GPR158: variants seen among roughly 807,000 people sequenced by gnomAD.
The protein encoded by GPR158 is metabotropic glycine receptor.
GPR158 carries 30 observed loss-of-function variants against 78.2 expected under a neutral mutation model. That is an observed-to-expected ratio of 0.38 (90% CI 0.29 to 0.52). The LOEUF (loss-of-function observed/expected upper bound fraction) is 0.52. Ranked by LOEUF, GPR158 falls within the 20% of genes least tolerant of loss-of-function variation. The pLI is 0.83. For missense variants in GPR158, 1,463 were observed against 1,523.5 expected (o/e 0.96, Z 0.66); for synonymous variants, 581 against 591.1 (o/e 0.98, Z 0.25).
chr10:25,433,570 TGCGCGCGCGCGTGCGC>T (rs1194536715), intron 4 of GPR158, among the ~76,000 whole-genome samples: 8 of 128,668 alleles, frequency 6.2e-5, no homozygotes, highest in Non-Finnish European at 1.0e-4. Flanking sequence ...TGTGTGTGTG[TGCGCGCGCGCGTGCGC>T]GTGCGCATAT....
At chr10:25,435,984 G>A (rs189098648) in intron 4 of GPR158, among the ~76,000 whole-genome samples, 2 of 152,238 alleles carry the variant, frequency 1.3e-5, no homozygotes, top group East Asian at 3.9e-4. Context: ...TGAAGCTTGG[G>A]GAACTGGGTG....
At position 25,574,943 on chromosome 10, in the gene GPR158, T is replaced by C. The variant is rs539240951; in HGVS notation, c.1753+2056T>C. Reference sequence around the variant, plus strand: ...TGGGCCAGGGGCAGTGGCTCACACCTGTAATTCCAGCTACTCTAGAGGCTG... The same window carrying C: ...TGGGCCAGGGGCAGTGGCTCACACCCGTAATTCCAGCTACTCTAGAGGCTG... On this transcript the variant is annotated intron_variant, in intron 7 of 10. Transcript: ENST00000376351. 7.9e-5 allele frequency among the ~76,000 whole-genome samples: 12 copies of C among 152,030 alleles called. No individual in the cohort carries two copies. The South Asian group carries it at 2.3e-3, about 29-fold the overall frequency.
chr10:25,271,241 GC>G (rs1326171487), intron 2 of GPR158, among the ~76,000 whole-genome samples: 1 of 152,086 alleles, frequency 6.6e-6, no homozygotes, highest in Non-Finnish European at 1.5e-5. Flanking sequence ...CCTGTTACTT[GC>G]TTTAATGGCA....
chr10:25,303,686 T>C (rs1854630545), intron 2 of GPR158, among the ~76,000 whole-genome samples: 1 of 152,200 alleles, frequency 6.6e-6, no homozygotes, highest in Non-Finnish European at 1.5e-5. Context: ...TCAAAATGAA[T>C]CTCAGCATAT....
At chr10:25,562,356 C>G (rs994642984) in intron 6 of GPR158, among the ~76,000 whole-genome samples, 1 of 151,972 alleles carries the variant, frequency 6.6e-6, no homozygotes, top group Admixed American at 6.6e-5. Flanking sequence ...ATTAAATTTT[C>G]TCTTCGATTT....
At chr10:25,422,041 A>G (rs1199132528) in intron 4 of GPR158, among the ~76,000 whole-genome samples, 1 of 152,120 alleles carries the variant, frequency 6.6e-6, no homozygotes, top group African/African-American at 2.4e-5. Context: ...AATTGTCTGT[A>G]TCCTCAAGTC....
chr10:25,304,307 G>C (rs1588787091), intron 2 of GPR158, among the ~76,000 whole-genome samples: 1 of 151,982 alleles, frequency 6.6e-6, no homozygotes, highest in African/African-American at 2.4e-5. Flanking sequence ...TTGCTGACAG[G>C]GTTTTGTGAG....
intron 2 of GPR158, among the ~76,000 whole-genome samples, chr10:25,325,972 A>G (rs1282580460): frequency 1.3e-5 from 2 of 150,984 alleles, no homozygotes; most frequent in South Asian, 2.1e-4. Flanking sequence ...TTTTAAGTTC[A>G]GGGGAACACG....
intron 7 of GPR158, 137 bp downstream of exon 7, chr10:25,573,024 G>A: frequency 1.6e-6 from 1 of 643,722 alleles, no homozygotes; most frequent in Non-Finnish European, 2.8e-6. Context: ...AAGATAACAT[G>A]GAAATGGCAG....
At chr10:25,570,794 G>GTA (rs1836995596) in intron 6 of GPR158, among the ~76,000 whole-genome samples, 1 of 152,072 alleles carries the variant, frequency 6.6e-6, no homozygotes, top group African/African-American at 2.4e-5. Context: ...GCACATGCCT[G>GTA]TAGTCCCACC....
chr10:25,451,800 T>C lies in GPR158; in HGVS notation c.1336-14851T>C, dbSNP rs115830074. On this transcript the variant is annotated intron_variant, in intron 4 of 10. Coordinates refer to ENST00000376351, the MANE Select transcript of GPR158 (RefSeq NM_020752.3). ...GCTAGAATGATAGCTGGTACAAAAA[T>C]GCAGCTGTTGTCATTATTGTTATCA... is the stretch of plus-strand genomic sequence containing the variant. 2.9e-3 allele frequency among the ~76,000 whole-genome samples: 440 copies of C among 152,330 alleles called. 2 individuals carry two copies. The highest frequency in any genetic ancestry group is 0.01 in the African/African-American group (420 of 41,578).
chr10:25,361,992 G>A (rs751534807), intron 2 of GPR158, among the ~76,000 whole-genome samples: 1 of 151,738 alleles, frequency 6.6e-6, no homozygotes, highest in Non-Finnish European at 1.5e-5. Flanking sequence ...AGTCTCATTT[G>A]TTTATTTTTG....
chr10:25,327,182 G>A lies in GPR158; in HGVS notation c.1009-68729G>A, dbSNP rs186788820. ...GAAAGCACACACACACGCGCAAGAA[G>A]TGTGAAATGAAGAAAAACCACCCTA... On this transcript the variant is annotated intron_variant, in intron 2 of 10. Transcript: ENST00000376351. Among the ~76,000 whole-genome samples the A allele has an allele frequency of 3.3e-3, 505 of 152,038 alleles. 3 individuals are homozygous for A. The highest frequency in any genetic ancestry group is 0.011 in the African/African-American group (466 of 41,478).
intron 2 of GPR158, among the ~76,000 whole-genome samples, chr10:25,281,928 TAGAA>T (rs1854280718): frequency 6.6e-6 from 1 of 152,214 alleles, no homozygotes; most frequent in African/African-American, 2.4e-5. Context: ...ATAATCTCAA[TAGAA>T]AGAATGATTT....
chr10:25,549,821 C>A (rs1836706463), intron 5 of GPR158, among the ~76,000 whole-genome samples: 1 of 152,046 alleles, frequency 6.6e-6, no homozygotes, highest in Non-Finnish European at 1.5e-5. Context: ...AAAATATCAG[C>A]AAGAAAATGT....
rs941472796 is a variant in GPR158, at chr10:25,599,611, C to G, written c.*337C>G. Reference sequence around the variant, plus strand: ...CCTAAGCCAGGTAAACCAGGAGACACAGAAGACGTACCAGATTTGCAAAGA... The same window carrying G: ...CCTAAGCCAGGTAAACCAGGAGACAGAGAAGACGTACCAGATTTGCAAAGA... On this transcript the variant is annotated 3_prime_UTR_variant, in exon 11 of 11. Coordinates refer to ENST00000376351, the MANE Select transcript of GPR158 (RefSeq NM_020752.3). 1 of 215,984 alleles carries G rather than the reference C, an allele frequency of 4.6e-6. No individual in the cohort carries two copies. Among genetic ancestry groups the G allele is most frequent in the Non-Finnish European group, 9.2e-6 (1 of 108,970 alleles). 13.4% of individuals were successfully genotyped at this position (215,984 alleles called of 1,614,324 possible).
At chr10:25,178,800 C>A (rs1226461085) in intron 1 of GPR158, among the ~76,000 whole-genome samples, 1 of 152,196 alleles carries the variant, frequency 6.6e-6, no homozygotes, top group Non-Finnish European at 1.5e-5. Flanking sequence ...GATAGTTCCA[C>A]TTGTTGTCTC....
Position 25,248,054 on chromosome 10 carries a change from A to C in GPR158, c.1008+26897A>C, listed in dbSNP as rs1224093736. Among the ~76,000 whole-genome samples the C allele has an allele frequency of 5.5e-4, 83 of 152,068 alleles. No homozygotes were observed. The Middle Eastern group carries it at 0.014, about 25-fold the overall frequency. ...CTCATTGTGGTTTTGATTTGCATTTATCTGATGGCCAGTGATGATGAGCAT... is the reference window on the plus strand; with the variant it reads ...CTCATTGTGGTTTTGATTTGCATTTCTCTGATGGCCAGTGATGATGAGCAT... On this transcript the variant is annotated intron_variant, in intron 2 of 10. Coordinates refer to ENST00000376351, the MANE Select transcript of GPR158 (RefSeq NM_020752.3).
rs1836719601 is a variant in GPR158, at chr10:25,551,068, C to G, written c.1497C>G (p.Val499=). 10 of 1,569,144 alleles carry G rather than the reference C, an allele frequency of 6.4e-6. No homozygotes were observed. The highest frequency in any genetic ancestry group is 8.8e-6 in the Non-Finnish European group (10 of 1,139,188). The change falls in exon 6 of 11, where the codon GTC becomes GTG. Residue 499 remains valine (V), a synonymous_variant. Transcript: ENST00000376351. ...LLGFATVYGT[V]TLKLHRVLKV... ...GTTTTGCTACTGTTTACGGAACTGT[C>G]ACTCTCAAACTTCACAGGTATATAC...
Sources: allele counts gnomAD v4.1 joint callset (sites outside exome capture counted in the v4.1 genomes callset), GRCh38; gene constraint gnomAD v4.1.1; transcripts MANE v1.5; gene names NCBI Gene and HGNC (gene_info 2026-07-23, HGNC 2026-07-21).